The following SNX10 variants were observed in gnomAD, a reference collection of about 807,000 sequenced individuals.
SNX10 encodes the protein sorting nexin-10.
SNX10 carries 25 observed loss-of-function variants against 28.5 expected under a neutral mutation model. That is an observed-to-expected ratio of 0.88 (90% confidence interval 0.64 to 1.22). SNX10 has a LOEUF of 1.22. SNX10 is among the 50% of genes most tolerant of loss of function. The pLI, the probability that SNX10 is intolerant of heterozygous loss-of-function variation, is 0.00. For missense variants in SNX10, 223 were observed against 242.6 expected (o/e 0.92, Z 0.54); for synonymous variants, 62 against 81.4 (o/e 0.76, Z 1.28).
intron 1 of SNX10, among the ~76,000 whole-genome samples, chr7:26,319,848 G>A (rs571446109): frequency 6.6e-6 from 1 of 152,252 alleles, no homozygotes; most frequent in Non-Finnish European, 1.5e-5. Flanking sequence ...TCTCCAGGAC[G>A]TTTCCTTCCC....
At chr7:26,345,676 TCA>T (rs1214024426) in intron 1 of SNX10, among the ~76,000 whole-genome samples, 3 of 152,154 alleles carry the variant, frequency 2.0e-5, no homozygotes, top group East Asian at 3.9e-4. Context: ...ACTGATATTA[TCA>T]AAGTGAAGGC....
chr7:26,345,473 C>T (rs1310899261), intron 1 of SNX10, among the ~76,000 whole-genome samples: 1 of 152,198 alleles, frequency 6.6e-6, no homozygotes, highest in Non-Finnish European at 1.5e-5. Context: ...CTTCCTGCTG[C>T]TGCTCGGGTG....
At chr7:26,296,250 CGACAAAAGAA>C (rs1368811057) in intron 1 of SNX10, among the ~76,000 whole-genome samples, 6 of 151,994 alleles carry the variant, frequency 3.9e-5, no homozygotes, top group African/African-American at 9.7e-5. Flanking sequence ...GATGCTCCAA[CGACAAAAGAA>C]GACTAAAAGA....
At chr7:26,317,973 T>G (rs909746660) in intron 1 of SNX10, among the ~76,000 whole-genome samples, 28 of 152,128 alleles carry the variant, frequency 1.8e-4, no homozygotes, top group African/African-American at 6.5e-4. Flanking sequence ...CATGGTGATC[T>G]TCTAATAGGC....
chr7:26,353,465 G>GGGA (rs1554359943), intron 2 of SNX10, among the ~76,000 whole-genome samples: 3 of 141,458 alleles, frequency 2.1e-5, no homozygotes, highest in Admixed American at 7.0e-5. Context: ...TTTTTTGGTG[G>GGGA]GGAGACAGAG....
chr7:26,343,753 C>T lies in SNX10; in HGVS notation c.-23-2667C>T, dbSNP rs78328988. ...GTGGAACCCACCGGCTAACTTGGCT[C>T]TGGTGCAGGAATCCCATGATAACCG... is the stretch of plus-strand genomic sequence containing the variant. On this transcript the variant is annotated intron_variant, in intron 1 of 6. Coordinates refer to ENST00000338523, the MANE Select transcript of SNX10 (RefSeq NM_013322.3). 2.0e-3 allele frequency among the ~76,000 whole-genome samples: 308 copies of T among 152,302 alleles called. 1 individual carries two copies. Among genetic ancestry groups the T allele is most frequent in the African/African-American group, 6.9e-3 (288 of 41,568 alleles).
At position 26,366,654 on chromosome 7, in the gene SNX10, G is replaced by A. The variant is rs138709891; in HGVS notation, c.311+1509G>A. On this transcript the variant is annotated intron_variant, in intron 5 of 6. Coordinates refer to ENST00000338523, the MANE Select transcript of SNX10 (RefSeq NM_013322.3). Reference sequence around the variant, plus strand: ...GCCACACAATTCTACAGAATTGCCTGTCACTCTAGTGTAGGACATGTTGTC... The same window carrying A: ...GCCACACAATTCTACAGAATTGCCTATCACTCTAGTGTAGGACATGTTGTC... Among the ~76,000 whole-genome samples the A allele has an allele frequency of 2.5e-3, 376 of 152,342 alleles. 3 individuals are homozygous for A. Among genetic ancestry groups the A allele is most frequent in the African/African-American group, 8.4e-3 (351 of 41,568 alleles).
chr7:26,336,914 A>G (rs1017082966), intron 1 of SNX10, among the ~76,000 whole-genome samples: 1 of 152,210 alleles, frequency 6.6e-6, no homozygotes, highest in Admixed American at 6.5e-5. Context: ...TCCTGTACAA[A>G]TATTTTGCAC....
chr7:26,319,759 C>G (rs1032675758), intron 1 of SNX10, among the ~76,000 whole-genome samples: 5 of 151,990 alleles, frequency 3.3e-5, no homozygotes, highest in African/African-American at 1.2e-4. Context: ...GATAACAAAA[C>G]AAAAATACAA....
At chr7:26,311,287 C>G (rs1203276587) in intron 1 of SNX10, among the ~76,000 whole-genome samples, 1 of 152,202 alleles carries the variant, frequency 6.6e-6, no homozygotes, top group Non-Finnish European at 1.5e-5. Flanking sequence ...GTAGCTGGGA[C>G]TACAGGCTTG....
At chr7:26,294,025 C>G (rs924226926) in intron 1 of SNX10, among the ~76,000 whole-genome samples, 2 of 152,004 alleles carry the variant, frequency 1.3e-5, no homozygotes, top group African/African-American at 4.8e-5. Context: ...CTTCTTTTTT[C>G]CGTTTTTAGT....
At chr7:26,358,951 G>A (rs568746611) in intron 2 of SNX10, among the ~76,000 whole-genome samples, 1 of 151,386 alleles carries the variant, frequency 6.6e-6, no homozygotes, top group South Asian at 2.1e-4. Flanking sequence ...GATTACAGGC[G>A]CCCAACACCA....
Position 26,324,768 on chromosome 7 carries a change from A to T in SNX10, c.-23-21652A>T, listed in dbSNP as rs866407359. On this transcript the variant is annotated intron_variant, in intron 1 of 6. Transcript: ENST00000338523. Reference sequence around the variant, plus strand: ...CAAGAGAAAACCAAGACTGTCCTGAACAACCCAGGCCATGTGGTCACCCTA... The same window carrying T: ...CAAGAGAAAACCAAGACTGTCCTGATCAACCCAGGCCATGTGGTCACCCTA... Among the ~76,000 whole-genome samples, 4 of 152,294 alleles carry T rather than the reference A, an allele frequency of 2.6e-5. 1 individual carries two copies. In the Middle Eastern group the frequency reaches 0.014, roughly 518 times the overall value.
intron 1 of SNX10, among the ~76,000 whole-genome samples, chr7:26,294,199 C>T (rs1786026946): frequency 6.6e-6 from 1 of 152,182 alleles, no homozygotes; most frequent in Admixed American, 6.5e-5. Flanking sequence ...ATTGTTATCT[C>T]CAAACATCTT....
intron 1 of SNX10, among the ~76,000 whole-genome samples, chr7:26,323,822 T>TTAGG (rs1264085472): frequency 1.4e-4 from 22 of 152,088 alleles, no homozygotes; most frequent in Admixed American, 5.9e-4. Context: ...GTGATGAGAT[T>TTAGG]TAGGATACAT....
At chr7:26,325,328 T>TATATATATATATA (rs56716262) in intron 1 of SNX10, among the ~76,000 whole-genome samples, 31 of 123,066 alleles carry the variant, frequency 2.5e-4, no homozygotes, top group Non-Finnish European at 4.2e-4. Flanking sequence ...TATATATATA[T>TATATATATATATA]TTGAGATGGA....
At chr7:26,318,594 G>T (rs1787184248) in intron 1 of SNX10, among the ~76,000 whole-genome samples, 2 of 151,946 alleles carry the variant, frequency 1.3e-5, no homozygotes, top group Admixed American at 1.3e-4. Context: ...TAGCCTCCCG[G>T]GTAGCTGGGA....
chr7:26,343,370 A>G (rs991002208), intron 1 of SNX10, among the ~76,000 whole-genome samples: 1 of 152,174 alleles, frequency 6.6e-6, no homozygotes, highest in African/African-American at 2.4e-5. Context: ...ACCTTGGGCA[A>G]CTTAACCCCT....
intron 1 of SNX10, among the ~76,000 whole-genome samples, chr7:26,294,638 T>C (rs2127991678): frequency 6.6e-6 from 1 of 152,298 alleles, no homozygotes; most frequent in East Asian, 1.9e-4. Flanking sequence ...ATCAGAGTAT[T>C]TATGATTTCT....
Sources: gnomAD v4.1 joint callset for allele counts (sites outside exome capture counted in the v4.1 genomes callset) on GRCh38, gnomAD v4.1.1 for gene constraint, MANE v1.5 for transcripts, NCBI Gene and HGNC (gene_info 2026-07-23, HGNC 2026-07-21) for gene names.